Variants in CCDC141 observed in about 807,000 individuals in gnomAD.
CCDC141 encodes the protein coiled-coil domain-containing protein 141.
A neutral mutation model predicts 181.0 loss-of-function variants in CCDC141; 168 were observed. That is an observed-to-expected ratio of 0.93 (90% CI 0.82 to 1.05). The LOEUF is 1.05. Ranked by LOEUF, CCDC141 falls within the 50% of genes least tolerant of loss-of-function variation. The pLI is 0.00. For synonymous variants in CCDC141, 666 were observed against 642.3 expected (o/e 1.04, Z -0.56); for missense variants, 1,902 against 1,788.5 (o/e 1.06, Z -1.14).
At chr2:178,941,161 C>T (rs891464819) in intron 6 of CCDC141, among the ~76,000 whole-genome samples, 1 of 152,178 alleles carries the variant, frequency 6.6e-6, no homozygotes, top group Non-Finnish European at 1.5e-5. Flanking sequence ...TCATAGACAG[C>T]CTGGTCTGAT....
intron 2 of CCDC141, among the ~76,000 whole-genome samples, chr2:179,031,020 C>G (rs1049834149): frequency 2.6e-5 from 4 of 151,946 alleles, no homozygotes; most frequent in African/African-American, 9.7e-5. Context: ...TATAGAGGGC[C>G]ACTAGCCACC....
chr2:178,953,967 T>G (rs568609738), intron 5 of CCDC141, among the ~76,000 whole-genome samples: 1 of 152,232 alleles, frequency 6.6e-6, no homozygotes, highest in Non-Finnish European at 1.5e-5. Flanking sequence ...ATATACTGCA[T>G]GATTATGATA....
chr2:178,901,598 G>A (rs1000070942), intron 8 of CCDC141, among the ~76,000 whole-genome samples: 77 of 152,124 alleles, frequency 5.1e-4, no homozygotes, highest in African/African-American at 1.4e-3. Context: ...GTCTTGATGG[G>A]ACGTATCTCA....
chr2:179,049,791 A>G (rs1330335434), intron 1 of CCDC141, 49 bp downstream of exon 1: 1 of 1,546,570 alleles, frequency 6.5e-7, no homozygotes, highest in African/African-American at 1.4e-5. Flanking sequence ...TTTTCAACAC[A>G]CAGCTAGAAG....
At chr2:178,935,072 A>G (rs1689232123) in intron 6 of CCDC141, among the ~76,000 whole-genome samples, 1 of 152,134 alleles carries the variant, frequency 6.6e-6, no homozygotes, top group African/African-American at 2.4e-5. Flanking sequence ...AAACAAAACA[A>G]TATTTTTGGA....
chr2:178,898,761 AG>A (rs573548093), intron 8 of CCDC141, among the ~76,000 whole-genome samples: 97 of 152,328 alleles, frequency 6.4e-4, no homozygotes, highest in African/African-American at 2.3e-3. Flanking sequence ...AGATTTACTA[AG>A]GAGGCTTCAT....
chr2:178,941,056 C>T (rs1689489398), intron 6 of CCDC141, among the ~76,000 whole-genome samples: 1 of 152,176 alleles, frequency 6.6e-6, no homozygotes, highest in Non-Finnish European at 1.5e-5. Context: ...TTATTTCTTT[C>T]CTACAGAATG....
In CCDC141 at chr2:178,832,641, T is replaced by G. The variant is rs1684306305; in HGVS notation, c.*1532A>C. 1 of 152,154 alleles carries G rather than the reference T, an allele frequency of 6.6e-6. No individual in the cohort carries two copies. Among genetic ancestry groups the G allele is most frequent in the African/African-American group, 2.4e-5 (1 of 41,450 alleles). 9.4% of individuals were successfully genotyped at this position (152,154 alleles called of 1,614,324 possible). ...AAGAAAGTATACGCCAACTTTTTACTTGACTACACATTTCACATCTTCAGA... is the reference window on the plus strand; with the variant it reads ...AAGAAAGTATACGCCAACTTTTTACGTGACTACACATTTCACATCTTCAGA... On this transcript the variant is annotated 3_prime_UTR_variant, in exon 24 of 24. Coordinates refer to ENST00000443758, the MANE Select transcript of CCDC141 (RefSeq NM_173648.4).
intron 4 of CCDC141, among the ~76,000 whole-genome samples, chr2:178,962,917 C>T (rs368372803): frequency 1.5e-4 from 23 of 152,294 alleles, no homozygotes; most frequent in African/African-American, 2.6e-4. Flanking sequence ...CACCCTCCTT[C>T]GTTATCTTTA....
intron 6 of CCDC141, among the ~76,000 whole-genome samples, chr2:178,941,098 C>T (rs1468541576): frequency 6.6e-6 from 1 of 152,184 alleles, no homozygotes; most frequent in African/African-American, 2.4e-5. Flanking sequence ...TCTAAGACAA[C>T]TCTCCTTAGC....
intron 22 of CCDC141, among the ~76,000 whole-genome samples, chr2:178,840,169 A>C (rs1168824864): frequency 6.6e-6 from 1 of 152,138 alleles, no homozygotes; most frequent in Non-Finnish European, 1.5e-5. Context: ...CAACCTGTCT[A>C]AGCCTCTTTC....
intron 4 of CCDC141, among the ~76,000 whole-genome samples, chr2:178,972,028 C>T (rs182601728): frequency 6.6e-6 from 1 of 151,694 alleles, no homozygotes; most frequent in East Asian, 1.9e-4. Context: ...ACCTATGTAA[C>T]AAAACTGCAC....
chr2:178,976,837 T>TAACAA (rs1691143624), intron 3 of CCDC141, among the ~76,000 whole-genome samples: 1 of 152,194 alleles, frequency 6.6e-6, no homozygotes, highest in Non-Finnish European at 1.5e-5. Context: ...GTTTGTTTGT[T>TAACAA]ACCTGCAGAA....
At chr2:178,904,862 G>C (rs1467701782) in intron 8 of CCDC141, among the ~76,000 whole-genome samples, 2 of 151,982 alleles carry the variant, frequency 1.3e-5, no homozygotes, top group African/African-American at 2.4e-5. Context: ...ATTAATAATT[G>C]TCACTGTTTA....
rs532409173 is a variant in CCDC141 at position 178,844,926 on chromosome 2, G to A, written c.3474+700C>T. Among the ~76,000 whole-genome samples, 20 of 152,318 alleles carry A rather than the reference G, an allele frequency of 1.3e-4. No individual in the cohort carries two copies. In the South Asian group the frequency reaches 3.9e-3, roughly 30 times the overall value. ...AAAAGCTAATTATAGTCCAGCAGCT[G>A]TGAATAGAGAGTGAGCAACTTATGC... On this transcript the variant is annotated intron_variant, in intron 22 of 23. Transcript: ENST00000443758.
At chr2:178,903,987 C>T (rs961635291) in intron 8 of CCDC141, among the ~76,000 whole-genome samples, 1 of 152,056 alleles carries the variant, frequency 6.6e-6, no homozygotes, top group East Asian at 1.9e-4. Flanking sequence ...AGTCCAGGCA[C>T]AATAAGTGTC....
At chr2:178,940,415 C>T (rs1246110140) in intron 6 of CCDC141, among the ~76,000 whole-genome samples, 1 of 152,008 alleles carries the variant, frequency 6.6e-6, no homozygotes, top group Non-Finnish European at 1.5e-5. Context: ...TCTATTTATG[C>T]AAATGGAAAC....
chr2:178,997,341 T>C (rs556978335), intron 2 of CCDC141, among the ~76,000 whole-genome samples: 1 of 152,254 alleles, frequency 6.6e-6, no homozygotes, highest in South Asian at 2.1e-4. Context: ...TTTTATTTTA[T>C]TGTCCATTGC....
chr2:178,880,040 A>T (rs1339578689), intron 11 of CCDC141, among the ~76,000 whole-genome samples: 1 of 152,210 alleles, frequency 6.6e-6, no homozygotes, highest in African/African-American at 2.4e-5. Flanking sequence ...CTACCGATAG[A>T]TGAGTCGGAA....
Sources: gnomAD v4.1 joint callset for allele counts (sites outside exome capture counted in the v4.1 genomes callset) on GRCh38, gnomAD v4.1.1 for gene constraint, MANE v1.5 for transcripts, NCBI Gene and HGNC (gene_info 2026-07-23, HGNC 2026-07-21) for gene names.